Variants in LCA5 observed in about 807,000 individuals in gnomAD.
LCA5 encodes the protein lebercilin LCA5, also known as lebercilin.
A neutral mutation model predicts 53.0 loss-of-function variants in LCA5; 37 were observed. The observed-to-expected ratio is 0.70, with a 90% confidence interval of 0.54 to 0.92. The LOEUF (loss-of-function observed/expected upper bound fraction) is 0.92, where lower values mean the gene tolerates loss of function less well. Ranked by LOEUF, LCA5 falls within the 40% of genes least tolerant of loss-of-function variation. The pLI is 0.00. For missense variants in LCA5, 806 were observed against 790.5 expected (o/e 1.02, Z -0.23); for synonymous variants, 303 against 282.9 (o/e 1.07, Z -0.71).
chr6:79,522,256 A>T (rs1766646814), intron 1 of LCA5, among the ~76,000 whole-genome samples: 1 of 152,122 alleles, frequency 6.6e-6, no homozygotes, highest in Non-Finnish European at 1.5e-5. Context: ...TAGACGAGTG[A>T]CATTTCACAA....
In LCA5 at chr6:79,485,213, T is replaced by C. The variant is rs113560869; in HGVS notation, c.*1791A>G. 16 of 152,620 alleles carry C rather than the reference T, an allele frequency of 1.0e-4. No homozygotes were observed. The highest frequency in any genetic ancestry group is 3.4e-4 in the African/African-American group (14 of 41,546). The allele number at this position is 152,620 out of a possible 1,614,324, so 9.5% of individuals were successfully genotyped here. A position where few individuals can be genotyped will look rare whatever the true frequency, so the allele number is the denominator to read the frequency against. On this transcript the variant is annotated 3_prime_UTR_variant, in exon 8 of 8. Transcript: ENST00000369846. ...GTCTTGTTGCATCTTGTTAAAGAGA[T>C]TATCAGGTAGAAAAAAAGCAAAAAA...
intron 7 of LCA5, 52 bp downstream of exon 7, chr6:79,489,032 T>C (rs1425429674): frequency 1.9e-6 from 3 of 1,603,728 alleles, no homozygotes; most frequent in Admixed American, 1.7e-5. Flanking sequence ...TCACTCTTTC[T>C]TTCTCAAGGG....
At chr6:79,522,804 C>T (rs1340406631) in intron 1 of LCA5, among the ~76,000 whole-genome samples, 1 of 152,140 alleles carries the variant, frequency 6.6e-6, no homozygotes, top group Non-Finnish European at 1.5e-5. Flanking sequence ...CTCCCACCTC[C>T]TGAGTAGCCA....
Position 79,518,978 on chromosome 6 carries a change from C to T in LCA5, c.-84G>A. 1 of 1,230,536 alleles carries T rather than the reference C, an allele frequency of 8.1e-7. No individual in the cohort carries two copies. The highest frequency in any genetic ancestry group is 1.2e-6 in the Non-Finnish European group (1 of 832,746). 76.2% of individuals were successfully genotyped at this position (1,230,536 alleles called of 1,614,324 possible). A position where few individuals can be genotyped will look rare whatever the true frequency, so the allele number is the denominator to read the frequency against. ...CTATGACAATACTGAAAAACATTTT[C>T]ACAGTCTTCAGATCCTGATAATATT... On this transcript the variant is annotated 5_prime_UTR_variant, in exon 2 of 8. Transcript: ENST00000369846.
intron 1 of LCA5, among the ~76,000 whole-genome samples, chr6:79,521,820 AAAAT>A (rs1766634019): frequency 1.3e-5 from 2 of 152,276 alleles, no homozygotes; most frequent in South Asian, 4.1e-4. Flanking sequence ...GGAAACACAC[AAAAT>A]AAATCTAAGA....
rs1769671764 is a variant in LCA5, at chr6:79,486,885, T to C, written c.*119A>G. On this transcript the variant is annotated 3_prime_UTR_variant, in exon 8 of 8. Coordinates refer to ENST00000369846, the MANE Select transcript of LCA5 (RefSeq NM_001122769.3). ...TCTTTTTAACTGCATTGTATTTAGC[T>C]ATTAAAAATCATTCCTTAATAAGGA... 1.3e-6 allele frequency: 1 copy of C among 794,980 alleles called. No homozygotes were observed. Among genetic ancestry groups the C allele is most frequent in the Admixed American group, 2.6e-5 (1 of 38,060 alleles). The allele number at this position is 794,980 out of a possible 1,614,324, so 49.2% of individuals were successfully genotyped here. A position where few individuals can be genotyped will look rare whatever the true frequency, so the allele number is the denominator to read the frequency against.
chr6:79,527,646 C>G (rs537744714), intron 1 of LCA5, among the ~76,000 whole-genome samples: 1 of 152,340 alleles, frequency 6.6e-6, no homozygotes, highest in African/African-American at 2.4e-5. Flanking sequence ...TAACTCCGAG[C>G]TGGAGACCCT....
At chr6:79,487,923 G>T in intron 7 of LCA5, 57 bp from the exon 8 acceptor site, 1 of 1,321,492 alleles carries the variant, frequency 7.6e-7, no homozygotes, top group Non-Finnish European at 1.1e-6. Flanking sequence ...TTTTTAAATA[G>T]GAAAACTATC....
intron 1 of LCA5, among the ~76,000 whole-genome samples, chr6:79,524,383 A>G (rs1766719810): frequency 6.6e-6 from 1 of 152,180 alleles, no homozygotes; most frequent in Admixed American, 6.5e-5. Flanking sequence ...TGCATGCCTG[A>G]GAATGTCGTT....
chr6:79,506,954 A>C (rs978791225), intron 3 of LCA5, among the ~76,000 whole-genome samples: 2 of 152,214 alleles, frequency 1.3e-5, no homozygotes, highest in Non-Finnish European at 2.9e-5. Flanking sequence ...CCAAATACAA[A>C]ACGCTCATTA....
intron 3 of LCA5, among the ~76,000 whole-genome samples, chr6:79,494,897 T>C (rs1021850347): frequency 3.9e-5 from 6 of 152,226 alleles, no homozygotes; most frequent in African/African-American, 7.2e-5. Flanking sequence ...CAAGAACTCC[T>C]GACCTTTGAA....
At position 79,485,829 on chromosome 6, in the gene LCA5, G is replaced by C. The variant is rs2127664438; in HGVS notation, c.*1175C>G. On this transcript the variant is annotated 3_prime_UTR_variant, in exon 8 of 8. Coordinates refer to ENST00000369846, the MANE Select transcript of LCA5 (RefSeq NM_001122769.3). ...CATTTTAACAATGTTTTCTCCTTGG[G>C]CTGGTGGTATATTACTGCTTTTTAA... The C allele has an allele frequency of 6.6e-6, 1 of 152,046 alleles. No homozygotes were observed. The highest frequency in any genetic ancestry group is 2.1e-4 in the South Asian group (1 of 4,802). 9.4% of individuals were successfully genotyped at this position (152,046 alleles called of 1,614,324 possible).
chr6:79,512,363 C>T (rs1402615535), intron 3 of LCA5, among the ~76,000 whole-genome samples: 1 of 152,044 alleles, frequency 6.6e-6, no homozygotes, highest in Non-Finnish European at 1.5e-5. Flanking sequence ...ATGTACGGTG[C>T]ATATTTAATA....
chr6:79,488,761 A>T, intron 7 of LCA5: 2 of 424,496 alleles, frequency 4.7e-6, no homozygotes, highest in South Asian at 1.3e-4. Flanking sequence ...TAAAAATTTT[A>T]AAATATGTAA....
chr6:79,526,262 G>A (rs1213902610), intron 1 of LCA5, among the ~76,000 whole-genome samples: 1 of 152,124 alleles, frequency 6.6e-6, no homozygotes, highest in African/African-American at 2.4e-5. Flanking sequence ...CAAATTTTAC[G>A]GCTGGGCGCG....
In LCA5 at chr6:79,487,422, G is replaced by A. The variant is rs766143193; in HGVS notation, c.1676C>T (p.Ser559Leu). 23 of 1,612,640 alleles carry A rather than the reference G, an allele frequency of 1.4e-5. No individual in the cohort carries two copies. The South Asian group carries it at 1.9e-4, about 13-fold the overall frequency. ...TGACCTCTCTGATGTTTTTGCAAACGAAGGCACGTAGCTACCAAATGCGAA... is the reference window on the plus strand; with the variant it reads ...TGACCTCTCTGATGTTTTTGCAAACAAAGGCACGTAGCTACCAAATGCGAA... ...NEFAFGSYVP[S>L]FAKTSERSNP... Residue 559 changes from serine to leucine, a missense_variant, in exon 8 of 8, where the codon TCG becomes TTG. Physicochemically the swap from Ser to Leu is moderately radical, Grantham distance 145. Transcript: ENST00000369846.
chr6:79,509,562 T>C (rs1229054275), intron 3 of LCA5, among the ~76,000 whole-genome samples: 1 of 152,240 alleles, frequency 6.6e-6, no homozygotes, highest in East Asian at 1.9e-4. Context: ...AACCCAACTT[T>C]GAGGTATAGA....
chr6:79,518,708 G>C lies in LCA5; in HGVS notation c.187C>G (p.Gln63Glu). Residue 63 changes from glutamine (Q) to glutamate (E), a missense_variant, in exon 2 of 8, where the codon CAA becomes GAA. Coordinates refer to ENST00000369846, the MANE Select transcript of LCA5 (RefSeq NM_001122769.3). ...GACTCTTTTAAAGAATGCTTACCTT[G>C]GTGATGTACTTGGCCATCTGAAGTT... ...RQTSDGQVHHQAPRKPSPKGL... is the reference protein window; with the variant it reads ...RQTSDGQVHHEAPRKPSPKGL... The C allele has an allele frequency of 6.2e-7, 1 of 1,613,928 alleles. No homozygotes were observed. Among genetic ancestry groups the C allele is most frequent in the Non-Finnish European group, 8.5e-7 (1 of 1,179,870 alleles).
chr6:79,503,809 C>T (rs773338178), intron 3 of LCA5, among the ~76,000 whole-genome samples: 9 of 152,170 alleles, frequency 5.9e-5, no homozygotes, highest in South Asian at 2.1e-4. Context: ...CGCGCGTGCG[C>T]GTGCGTATAA....
Sources: allele counts gnomAD v4.1 joint callset (sites outside exome capture counted in the v4.1 genomes callset), GRCh38; gene constraint gnomAD v4.1.1; transcripts MANE v1.5; gene names NCBI Gene and HGNC (gene_info 2026-07-23, HGNC 2026-07-21).